BICD1: variants seen among roughly 807,000 people sequenced by gnomAD.
BICD1 encodes BICD cargo adaptor 1, also known as protein bicaudal D homolog 1.
A neutral mutation model predicts 92.5 loss-of-function variants in BICD1; 35 were observed. The ratio of observed to expected loss-of-function variants is 0.38; its 90% CI spans 0.29 to 0.50. The LOEUF (loss-of-function observed/expected upper bound fraction) is 0.50. Ranked by LOEUF, BICD1 falls within the 20% of genes least tolerant of loss-of-function variation. The pLI is 0.93. For missense variants in BICD1, 950 were observed against 1,189.8 expected (o/e 0.80, Z 2.97); for synonymous variants, 429 against 465.1 (o/e 0.92, Z 1.00).
At chr12:32,249,317 C>T (rs180948393) in intron 2 of BICD1, among the ~76,000 whole-genome samples, 1 of 152,334 alleles carries the variant, frequency 6.6e-6, no homozygotes, top group East Asian at 1.9e-4. Context: ...ACAGGGATCT[C>T]TTTACAACAG....
chr12:32,150,416 G>A (rs928183532), intron 1 of BICD1, among the ~76,000 whole-genome samples: 2 of 152,112 alleles, frequency 1.3e-5, no homozygotes, highest in African/African-American at 4.8e-5. Context: ...AATTTAGCTT[G>A]GGCTTTCTTT....
At chr12:32,351,508 A>AAAAG (rs1213810089) in intron 8 of BICD1, among the ~76,000 whole-genome samples, 2 of 149,702 alleles carry the variant, frequency 1.3e-5, no homozygotes, top group African/African-American at 2.5e-5. Context: ...AAAAAAAAAA[A>AAAAG]AAAGAAAGGA....
intron 2 of BICD1, among the ~76,000 whole-genome samples, chr12:32,226,725 C>G (rs1221464741): frequency 6.6e-6 from 1 of 152,188 alleles, no homozygotes; most frequent in Non-Finnish European, 1.5e-5. Context: ...CATGCATTCT[C>G]CTGTCCCAGT....
chr12:32,175,111 C>A (rs1387451351), intron 1 of BICD1, among the ~76,000 whole-genome samples: 2 of 151,794 alleles, frequency 1.3e-5, no homozygotes, highest in Non-Finnish European at 2.9e-5. Context: ...ATTAGTTGAC[C>A]TTTTGGGGTC....
rs1335811260 is a variant in BICD1, at chr12:32,182,886, C to CTTTTTT, written c.214-33358_214-33357insTTTTTT. ...TTTTTCTTTTTCTTTTCTTTTCTTT[C>CTTTTTT]TTTCTTTTTTTTTTTTTTTTTTTAA... On this transcript the variant is annotated intron_variant, in intron 1 of 9. Coordinates refer to ENST00000652176, the MANE Select transcript of BICD1 (RefSeq NM_001714.4). 1.1e-4 allele frequency among the ~76,000 whole-genome samples: 9 copies of CTTTTTT among 80,418 alleles called. 1 individual carries two copies. Among genetic ancestry groups the CTTTTTT allele is most frequent in the African/African-American group, 2.9e-4 (6 of 20,618 alleles). 52.8% of individuals were successfully genotyped at this position (80,418 alleles called of 152,430 possible). A position where few individuals can be genotyped will look rare whatever the true frequency, so the allele number is the denominator to read the frequency against.
intron 1 of BICD1, among the ~76,000 whole-genome samples, chr12:32,146,573 C>A (rs954983389): frequency 6.7e-6 from 1 of 149,164 alleles, no homozygotes; most frequent in African/African-American, 2.4e-5. Context: ...TTAAGTAGTT[C>A]TTAAAGTCAC....
intron 8 of BICD1, among the ~76,000 whole-genome samples, chr12:32,356,726 A>C (rs1939124788): frequency 6.6e-6 from 1 of 152,134 alleles, no homozygotes. Context: ...ATGTACCCTC[A>C]CTTAAGACTC....
intron 9 of BICD1, among the ~76,000 whole-genome samples, chr12:32,377,082 T>C (rs1940002039): frequency 6.6e-6 from 1 of 152,112 alleles, no homozygotes; most frequent in East Asian, 1.9e-4. Context: ...TCATTAAAAA[T>C]GTAGAATCTC....
Position 32,368,652 on chromosome 12 carries a change from G to A in BICD1, c.2840+907G>A, listed in dbSNP as rs1432573735. 3.3e-5 allele frequency among the ~76,000 whole-genome samples: 5 copies of A among 152,002 alleles called. No homozygotes were observed. In the East Asian group the frequency reaches 7.7e-4, roughly 23 times the overall value. On this transcript the variant is annotated intron_variant, in intron 9 of 9. Coordinates refer to ENST00000652176, the MANE Select transcript of BICD1 (RefSeq NM_001714.4). ...GGAGGTTGCAGTGAGCTGAGCTGGTGCCACTGCACTCCAGCCTAGGTGACA... is the reference window on the plus strand; with the variant it reads ...GGAGGTTGCAGTGAGCTGAGCTGGTACCACTGCACTCCAGCCTAGGTGACA...
intron 2 of BICD1, among the ~76,000 whole-genome samples, chr12:32,248,448 A>T (rs1946444603): frequency 6.6e-6 from 1 of 152,178 alleles, no homozygotes; most frequent in African/African-American, 2.4e-5. Flanking sequence ...GTGGTAGTTT[A>T]TGTTGAGATG....
At chr12:32,113,349 G>A (rs1187410473) in intron 1 of BICD1, among the ~76,000 whole-genome samples, 4 of 152,140 alleles carry the variant, frequency 2.6e-5, no homozygotes, top group African/African-American at 7.2e-5. Context: ...GGGCAGAGCA[G>A]TTTTAGAGGG....
chr12:32,313,925 A>C lies in BICD1; in HGVS notation c.1005+7803A>C, dbSNP rs1339914277. On this transcript the variant is annotated intron_variant, in intron 4 of 9. Transcript: ENST00000652176. This position sits in a 1 kb window ranked among gnomAD's most constrained non-coding sequence, Gnocchi z 4.2. ...GAGTCTGGGAGGAGGTCAAGGCTGC[A>C]GTGAGCCATGACCATGCCACTGCAC... Among the ~76,000 whole-genome samples, 1 of 152,066 alleles carries C rather than the reference A, an allele frequency of 6.6e-6. No individual in the cohort carries two copies. The highest frequency in any genetic ancestry group is 1.5e-5 in the Non-Finnish European group (1 of 68,038).
chr12:32,297,084 G>A (rs760836936), intron 3 of BICD1, among the ~76,000 whole-genome samples: 2 of 152,280 alleles, frequency 1.3e-5, no homozygotes, highest in Non-Finnish European at 2.9e-5. Context: ...GAAATTGGGG[G>A]AACTGAAATG....
At chr12:32,302,219 A>G (rs1245865455) in intron 3 of BICD1, among the ~76,000 whole-genome samples, 2 of 152,250 alleles carry the variant, frequency 1.3e-5, no homozygotes, top group African/African-American at 2.4e-5. Flanking sequence ...AGAAATCAGA[A>G]GTTTTCAAAT....
At chr12:32,129,790 A>T (rs2121290581) in intron 1 of BICD1, among the ~76,000 whole-genome samples, 1 of 152,226 alleles carries the variant, frequency 6.6e-6, no homozygotes, top group African/African-American at 2.4e-5. Flanking sequence ...TGCAATACCA[A>T]GGACTTAATG....
At chr12:32,215,415 A>T (rs552800539) in intron 1 of BICD1, among the ~76,000 whole-genome samples, 1 of 152,286 alleles carries the variant, frequency 6.6e-6, no homozygotes, top group African/African-American at 2.4e-5. Context: ...TTATACAGAG[A>T]TGATATTCAG....
intron 1 of BICD1, among the ~76,000 whole-genome samples, chr12:32,182,703 T>C (rs184778064): frequency 6.6e-5 from 10 of 151,896 alleles, no homozygotes; most frequent in Admixed American, 3.3e-4. Context: ...TACTGGCAAA[T>C]ACATAATGGT....
At chr12:32,202,085 T>A (rs11051847) in intron 1 of BICD1, among the ~76,000 whole-genome samples, 27,372 of 152,192 alleles carry the variant, frequency 0.18, 3,092 homozygotes, top group East Asian at 0.28. Flanking sequence ...TTGCCCACCA[T>A]TTTTGAACCC....
chr12:32,355,523 T>C (rs1939060298), intron 8 of BICD1, among the ~76,000 whole-genome samples: 1 of 152,068 alleles, frequency 6.6e-6, no homozygotes, highest in African/African-American at 2.4e-5. Context: ...CAAAGGAAGC[T>C]GGGCGCAGTG....
Sources: allele counts gnomAD v4.1 joint callset (sites outside exome capture counted in the v4.1 genomes callset), GRCh38; gene constraint gnomAD v4.1.1; non-coding constraint Gnocchi (gnomAD v3.1); transcripts MANE v1.5; gene names NCBI Gene and HGNC (gene_info 2026-07-23, HGNC 2026-07-21).